Variants in ITM2C observed in about 807,000 individuals in gnomAD.
ITM2C encodes the protein integral membrane protein 2C.
ITM2C carries 20 observed loss-of-function variants against 30.0 expected under a neutral mutation model. That is an observed-to-expected ratio of 0.67 (90% CI 0.47 to 0.97). ITM2C has a LOEUF of 0.97. Among genes scored for constraint, ITM2C ranks in the 50% least tolerant of loss-of-function variants. The pLI is 0.00. For missense variants in ITM2C, 366 were observed against 371.9 expected, an observed-to-expected ratio of 0.98 and a Z score of 0.13; for synonymous variants, 167 against 156.4, an observed-to-expected ratio of 1.07 and a Z score of -0.51.
At chr2:230,876,825 G>A in intron 3 of ITM2C, 32 bp from the exon 4 acceptor site, 1 of 1,490,428 alleles carries the variant, frequency 6.7e-7, no homozygotes. Flanking sequence ...GTCACCTCCT[G>A]CAGAGACTGA....
intron 2 of ITM2C, among the ~76,000 whole-genome samples, chr2:230,874,642 C>T (rs941280710): frequency 6.6e-6 from 1 of 152,212 alleles, no homozygotes; most frequent in Non-Finnish European, 1.5e-5. Context: ...CTTCCCTGGG[C>T]TCTCATCCCC....
At chr2:230,876,454 C>T (rs1053839495) in intron 3 of ITM2C, among the ~76,000 whole-genome samples, 1 of 152,008 alleles carries the variant, frequency 6.6e-6, no homozygotes, top group African/African-American at 2.4e-5. Flanking sequence ...CCCAGGAAGG[C>T]ATGGTGGGAC....
rs559336911 is a variant in ITM2C at position 230,877,353 on chromosome 2, G to C, written c.562-47G>C. ...TGGCATTTCGGGCGAGGGGTTGGAC[G>C]AAAGCCTGAGGGGCCGACTCACTGT... On this transcript the variant is annotated intron_variant, in intron 4 of 5. Transcript: ENST00000326427. The surrounding 1 kb of genome is among the most constrained non-coding windows in gnomAD (Gnocchi z 4.8). 20 of 1,601,988 alleles carry C rather than the reference G, an allele frequency of 1.2e-5. No homozygotes were observed. The East Asian group carries it at 4.2e-4, about 34-fold the overall frequency.
chr2:230,873,495 G>A lies in ITM2C; in HGVS notation c.199G>A (p.Val67Met), dbSNP rs746646344. 1.4e-5 allele frequency: 22 copies of A among 1,610,998 alleles called. No individual in the cohort carries two copies. The highest frequency in any genetic ancestry group is 4.0e-5 in the African/African-American group (3 of 74,834). The change falls in exon 2 of 6, where the codon GTG (valine) becomes ATG (methionine). Residue 67 changes from valine to methionine, a missense_variant. Coordinates refer to ENST00000326427, the MANE Select transcript of ITM2C (RefSeq NM_030926.6). ...GVCYLSMGMVVLLMGLVFASV... is the reference protein window; with the variant it reads ...GVCYLSMGMVMLLMGLVFASV... ...GTGCTACCTGTCGATGGGCATGGTCGTGCTGCTCATGGGCCTCGTGTTCGC... is the reference window on the plus strand; with the variant it reads ...GTGCTACCTGTCGATGGGCATGGTCATGCTGCTCATGGGCCTCGTGTTCGC...
intron 1 of ITM2C, among the ~76,000 whole-genome samples, chr2:230,868,903 G>A (rs936055527): frequency 2.6e-5 from 4 of 152,202 alleles, no homozygotes; most frequent in Non-Finnish European, 2.9e-5. Flanking sequence ...CATGGCTGTC[G>A]TCCATTCCTG....
intron 1 of ITM2C, among the ~76,000 whole-genome samples, chr2:230,868,183 A>C (rs1399233674): frequency 6.7e-6 from 1 of 149,478 alleles, no homozygotes; most frequent in African/African-American, 2.5e-5. Flanking sequence ...TGTGGACCTG[A>C]GACTGGAAGG....
Position 230,878,021 on chromosome 2 carries a change from T to C in ITM2C, c.726T>C (p.Arg242=), listed in dbSNP as rs754952141. Residue 242 remains arginine, a synonymous_variant, in exon 6 of 6, where the codon CGT becomes CGC. Coordinates refer to ENST00000326427, the MANE Select transcript of ITM2C (RefSeq NM_030926.6). The surrounding 1 kb of genome is among the most constrained non-coding windows in gnomAD (Gnocchi z 4.5). ...TTTTCCTCCCAGGGATCAACAAGCG[T>C]GGGGCCAAGAACTGCAATGCCATCC... is the stretch of plus-strand genomic sequence containing the variant. ...RRATRRRINK[R]GAKNCNAIRH... 6.2e-7 allele frequency: 1 copy of C among 1,612,622 alleles called. No individual in the cohort carries two copies. Among genetic ancestry groups the C allele is most frequent in the Non-Finnish European group, 8.5e-7 (1 of 1,179,282 alleles).
intron 1 of ITM2C, among the ~76,000 whole-genome samples, chr2:230,870,576 G>A (rs1490708094): frequency 1.3e-5 from 2 of 152,186 alleles, no homozygotes; most frequent in African/African-American, 4.8e-5. Flanking sequence ...GTCTTGGCAG[G>A]AACCCCTGCC....
chr2:230,869,216 G>A lies in ITM2C; in HGVS notation c.120+4071G>A, dbSNP rs1405082414. On this transcript the variant is annotated intron_variant, in intron 1 of 5. Transcript: ENST00000326427. ...GGAGATGCCTTGACTATCAGGGATG[G>A]AAGAGAAGAGGGAATTCGCCTGGCC... 3.9e-5 allele frequency among the ~76,000 whole-genome samples: 6 copies of A among 152,306 alleles called. No individual in the cohort carries two copies. The East Asian group carries it at 1.2e-3, about 29-fold the overall frequency.
intron 3 of ITM2C, among the ~76,000 whole-genome samples, chr2:230,876,058 G>A (rs894819442): frequency 4.8e-5 from 6 of 123,788 alleles, no homozygotes; most frequent in East Asian, 2.1e-4. Flanking sequence ...GGGCCAGTGC[G>A]TTGTATCGAG....
chr2:230,871,001 A>G (rs1176610567), intron 1 of ITM2C, among the ~76,000 whole-genome samples: 1 of 152,210 alleles, frequency 6.6e-6, no homozygotes, highest in East Asian at 1.9e-4. Context: ...AGTCAGCCCT[A>G]AAAAGGAAAG....
Position 230,866,000 on chromosome 2 carries a change from A to C in ITM2C, c.120+855A>C, listed in dbSNP as rs1697019814. Among the ~76,000 whole-genome samples, 1 of 127,984 alleles carries C rather than the reference A, an allele frequency of 7.8e-6. No individual in the cohort carries two copies. Among genetic ancestry groups the C allele is most frequent in the South Asian group, 2.3e-4 (1 of 4,260 alleles). 84.0% of individuals were successfully genotyped at this position (127,984 alleles called of 152,430 possible). A position where few individuals can be genotyped will look rare whatever the true frequency, so the allele number is the denominator to read the frequency against. Reference sequence around the variant, plus strand: ...CCCCTCCCCTACCCCGGCTTCCTCCACTTTCCCTCTGGCCGGGGGGGAGAG... The same window carrying C: ...CCCCTCCCCTACCCCGGCTTCCTCCCCTTTCCCTCTGGCCGGGGGGGAGAG... On this transcript the variant is annotated intron_variant, in intron 1 of 5. Coordinates refer to ENST00000326427, the MANE Select transcript of ITM2C (RefSeq NM_030926.6). This position sits in a 1 kb window ranked among gnomAD's most constrained non-coding sequence, Gnocchi z 6.8.
chr2:230,869,652 C>T (rs1032670938), intron 1 of ITM2C, among the ~76,000 whole-genome samples: 35 of 152,324 alleles, frequency 2.3e-4, no homozygotes, highest in African/African-American at 8.2e-4. Context: ...GTTAAATCGG[C>T]TTGCAGTTAA....
At chr2:230,874,976 G>A (rs1697254496) in intron 2 of ITM2C, among the ~76,000 whole-genome samples, 1 of 152,204 alleles carries the variant, frequency 6.6e-6, no homozygotes, top group African/African-American at 2.4e-5. Context: ...CTTGTCCGAG[G>A]CTGGATGTGG....
chr2:230,873,955 T>C (rs1281383634), intron 2 of ITM2C, among the ~76,000 whole-genome samples: 1 of 152,148 alleles, frequency 6.6e-6, no homozygotes, highest in East Asian at 1.9e-4. Flanking sequence ...ACATTTGGGT[T>C]ACCAAACAAG....
At chr2:230,876,290 A>G (rs529133633) in intron 3 of ITM2C, among the ~76,000 whole-genome samples, 1 of 152,354 alleles carries the variant, frequency 6.6e-6, no homozygotes, top group Admixed American at 6.5e-5. Context: ...CATGAGAAGA[A>G]GCTTTATAAC....
intron 1 of ITM2C, among the ~76,000 whole-genome samples, chr2:230,870,868 C>CT (rs1315627486): frequency 0.047 from 6,963 of 148,608 alleles, 561 homozygotes; most frequent in African/African-American, 0.16. Flanking sequence ...AGCGCTTTGA[C>CT]TTTTTTTTTT....
At chr2:230,868,399 C>T (rs550570588) in intron 1 of ITM2C, among the ~76,000 whole-genome samples, 44 of 152,184 alleles carry the variant, frequency 2.9e-4, no homozygotes, top group Admixed American at 7.2e-4. Flanking sequence ...CCTTTGGGGG[C>T]CCACTGGCTG....
intron 2 of ITM2C, among the ~76,000 whole-genome samples, chr2:230,874,531 C>T (rs540475831): frequency 5.3e-5 from 8 of 152,264 alleles, no homozygotes; most frequent in African/African-American, 1.9e-4. Flanking sequence ...TCCCCACACC[C>T]CAATTCGTTG....
Sources: gnomAD v4.1 joint callset for allele counts (sites outside exome capture counted in the v4.1 genomes callset) on GRCh38, gnomAD v4.1.1 for gene constraint, Gnocchi (gnomAD v3.1) non-coding constraint, MANE v1.5 for transcripts, NCBI Gene and HGNC (gene_info 2026-07-23, HGNC 2026-07-21) for gene names.